Variants in CALN1 observed in about 807,000 individuals in gnomAD.
CALN1 encodes calcium-binding protein 8.
CALN1 carries 17 observed loss-of-function variants against 30.6 expected under a neutral mutation model. The ratio of observed to expected loss-of-function variants is 0.56; its 90% CI spans 0.38 to 0.83. The LOEUF is 0.83. Ranked by LOEUF, CALN1 falls within the 40% of genes least tolerant of loss-of-function variation. The pLI is 0.00. For missense variants in CALN1, 291 were observed against 354.9 expected, an observed-to-expected ratio of 0.82 and a Z score of 1.45; for synonymous variants, 156 against 131.4, an observed-to-expected ratio of 1.19 and a Z score of -1.28.
intron 5 of CALN1, among the ~76,000 whole-genome samples, chr7:71,897,322 C>T (rs1020605746): frequency 3.3e-5 from 5 of 152,146 alleles, no homozygotes; most frequent in Admixed American, 2.0e-4. Context: ...TTTTAACCTG[C>T]TCAGCTATTT....
chr7:71,907,268 A>ACACACACACACACACAC (rs1562889797), intron 5 of CALN1, among the ~76,000 whole-genome samples: 1 of 151,736 alleles, frequency 6.6e-6, no homozygotes, highest in Admixed American at 6.6e-5. Flanking sequence ...ACACACACAC[A>ACACACACACACACACAC]ACTTAAGGAA....
chr7:72,384,324 G>A (rs776731367), intron 2 of CALN1, among the ~76,000 whole-genome samples: 1 of 152,120 alleles, frequency 6.6e-6, no homozygotes, highest in Non-Finnish European at 1.5e-5. Flanking sequence ...AACACAGAGA[G>A]AATAAAAAAC....
chr7:72,217,145 C>T (rs1328335043), intron 3 of CALN1, among the ~76,000 whole-genome samples: 5 of 152,166 alleles, frequency 3.3e-5, no homozygotes, highest in African/African-American at 9.7e-5. Flanking sequence ...TGCTTCCCCA[C>T]GGACCAAGGT....
At chr7:72,355,923 T>G (rs79221360) in intron 2 of CALN1, among the ~76,000 whole-genome samples, 3,860 of 152,290 alleles carry the variant, frequency 0.025, 158 homozygotes, top group African/African-American at 0.086. Flanking sequence ...TTTTATTATA[T>G]GTAAATTATC....
chr7:72,025,519 T>C (rs113477707), intron 4 of CALN1, among the ~76,000 whole-genome samples: 102 of 152,278 alleles, frequency 6.7e-4, no homozygotes, highest in African/African-American at 2.4e-3. Context: ...TCTTTCTTTG[T>C]TCAATTCAGC....
intron 3 of CALN1, among the ~76,000 whole-genome samples, chr7:72,272,704 A>T (rs567954823): frequency 2.6e-5 from 4 of 152,198 alleles, no homozygotes; most frequent in African/African-American, 9.7e-5. Context: ...ACAGTGGCAC[A>T]TAAGGAAGAC....
At chr7:72,204,147 C>A (rs1562731261) in intron 3 of CALN1, among the ~76,000 whole-genome samples, 1 of 147,842 alleles carries the variant, frequency 6.8e-6, no homozygotes, top group African/African-American at 2.5e-5. Context: ...TGTCACCACA[C>A]CTGGCTAATT....
intron 3 of CALN1, among the ~76,000 whole-genome samples, chr7:72,185,813 T>C (rs1269657621): frequency 2.0e-5 from 3 of 152,216 alleles, no homozygotes; most frequent in African/African-American, 7.2e-5. Flanking sequence ...TCTCTTTGCC[T>C]GCTGCCAAGC....
chr7:72,112,082 G>C (rs1180250537), intron 3 of CALN1, among the ~76,000 whole-genome samples: 1 of 152,040 alleles, frequency 6.6e-6, no homozygotes, highest in African/African-American at 2.4e-5. Context: ...TCTGCATTGG[G>C]ACCTAGTGCC....
chr7:72,187,991 C>T (rs147005629), intron 3 of CALN1, among the ~76,000 whole-genome samples: 5,538 of 152,070 alleles, frequency 0.036, 282 homozygotes, highest in African/African-American at 0.12. Context: ...GGTGTGGATG[C>T]GGTGAAAAGG....
chr7:72,222,233 GAA>G (rs71531794), intron 3 of CALN1, among the ~76,000 whole-genome samples: 1 of 147,344 alleles, frequency 6.8e-6, no homozygotes, highest in African/African-American at 2.5e-5. Context: ...CTCAAAAAAA[GAA>G]AAAAAAAAAG....
chr7:72,267,979 C>A (rs1422709345), intron 3 of CALN1, among the ~76,000 whole-genome samples: 1 of 152,126 alleles, frequency 6.6e-6, no homozygotes, highest in East Asian at 1.9e-4. Context: ...TGCACTCCAG[C>A]CGGGGCAACA....
chr7:71,913,184 AAAAGT>A (rs1182972292), intron 5 of CALN1, among the ~76,000 whole-genome samples: 4 of 152,224 alleles, frequency 2.6e-5, no homozygotes, highest in Non-Finnish European at 4.4e-5. Flanking sequence ...AGGAAAAGTG[AAAAGT>A]AAAGAGAAAC....
intron 2 of CALN1, among the ~76,000 whole-genome samples, chr7:72,392,531 C>CCCTTTG (rs1322047324): frequency 1.3e-5 from 2 of 152,090 alleles, no homozygotes; most frequent in African/African-American, 4.8e-5. Context: ...CTCTCCAGTT[C>CCCTTTG]CCTTTGCACT....
chr7:72,147,418 A>G (rs1786843050), intron 3 of CALN1, among the ~76,000 whole-genome samples: 1 of 150,512 alleles, frequency 6.6e-6, no homozygotes, highest in African/African-American at 2.5e-5. Flanking sequence ...ACAATGAGAT[A>G]CCATCTCACA....
At chr7:71,979,200 A>G (rs1040302421) in intron 5 of CALN1, among the ~76,000 whole-genome samples, 11 of 152,184 alleles carry the variant, frequency 7.2e-5, no homozygotes, top group African/African-American at 2.4e-4. Context: ...GGTTTCATGG[A>G]AGACAATTTT....
At position 71,905,382 on chromosome 7, in the gene CALN1, GTT is replaced by G. The variant is rs57155520; in HGVS notation, c.502-94892_502-94891del. ...TAGTGTACATTGTACCTAATGTGTA[GTT>G]TTTTTTTTTTTTATCTCTATCCCCC... On this transcript the variant is annotated intron_variant, in intron 5 of 6. Transcript: ENST00000395275. Among the ~76,000 whole-genome samples the G allele has an allele frequency of 4.3e-4, 62 of 145,378 alleles. No individual in the cohort carries two copies. The East Asian group carries it at 9.8e-3, about 23-fold the overall frequency.
chr7:72,298,275 G>A (rs1270339706), intron 2 of CALN1, among the ~76,000 whole-genome samples: 1 of 152,158 alleles, frequency 6.6e-6, no homozygotes, highest in Admixed American at 6.5e-5. Context: ...TAAGAACTTT[G>A]CCCTGAAATA....
intron 1 of CALN1, among the ~76,000 whole-genome samples, chr7:72,407,152 C>G (rs1806753693): frequency 6.6e-6 from 1 of 152,198 alleles, no homozygotes; most frequent in South Asian, 2.1e-4. Context: ...CATCACTAAT[C>G]AAATTAGACC....
Sources: gnomAD v4.1 joint callset for allele counts (sites outside exome capture counted in the v4.1 genomes callset) on GRCh38, gnomAD v4.1.1 for gene constraint, MANE v1.5 for transcripts, NCBI Gene and HGNC (gene_info 2026-07-23, HGNC 2026-07-21) for gene names.